The following ATG14 variants were observed in gnomAD, a reference collection of about 807,000 sequenced individuals.
ATG14 encodes the protein beclin 1-associated autophagy-related key regulator.
Under a neutral mutation model 60.4 loss-of-function variants are expected in ATG14, and 35 were observed. The observed-to-expected ratio is 0.58, with a 90% confidence interval of 0.44 to 0.77. The LOEUF (loss-of-function observed/expected upper bound fraction) is 0.77. Among genes scored for constraint, ATG14 ranks in the 30% least tolerant of loss-of-function variants. ATG14 has a pLI of 0.00. For missense variants in ATG14, 647 were observed against 626.3 expected, an observed-to-expected ratio of 1.03 and a Z score of -0.35; for synonymous variants, 234 against 228.8, an observed-to-expected ratio of 1.02 and a Z score of -0.21.
intron 7 of ATG14, among the ~76,000 whole-genome samples, chr14:55,379,468 G>A (rs899861726): frequency 6.6e-6 from 1 of 152,034 alleles, no homozygotes; most frequent in African/African-American, 2.4e-5. Context: ...CTTGGGCCTG[G>A]GGAGGGACGG....
At chr14:55,395,185 G>A (rs1885291079) in intron 3 of ATG14, 2 of 439,572 alleles carry the variant, frequency 4.5e-6, no homozygotes, top group Admixed American at 2.6e-5. Context: ...CTCCTCTTGG[G>A]CTCTTCCTCT....
chr14:55,394,322 T>C (rs1885276974), intron 3 of ATG14, among the ~76,000 whole-genome samples: 3 of 152,194 alleles, frequency 2.0e-5, no homozygotes, highest in Admixed American at 2.0e-4. Context: ...TCCTTCATAA[T>C]TGAGATTTCA....
Position 55,385,855 on chromosome 14 carries a change from G to A in ATG14, c.647+4C>T, listed in dbSNP as rs763084199. Reference sequence around the variant, plus strand: ...CCTGGAGTCAAAAGACTTGCTTAATGTACCTCACACCCGTCTTTACTTCCT... The same window carrying A: ...CCTGGAGTCAAAAGACTTGCTTAATATACCTCACACCCGTCTTTACTTCCT... On this transcript the variant is annotated splice_donor_region_variant and intron_variant, in intron 5 of 9. Transcript: ENST00000247178. 2.5e-6 allele frequency: 4 copies of A among 1,600,060 alleles called. No individual in the cohort carries two copies. The highest frequency in any genetic ancestry group is 4.5e-5 in the East Asian group (2 of 44,702).
At chr14:55,379,952 AC>A (rs1396924470) in intron 7 of ATG14, among the ~76,000 whole-genome samples, 2 of 152,174 alleles carry the variant, frequency 1.3e-5, no homozygotes, top group Admixed American at 6.5e-5. Context: ...ACAACAACAA[AC>A]AAAAAGAATT....
intron 6 of ATG14, 99 bp downstream of exon 6, chr14:55,381,863 G>GC (rs1297353441): frequency 4.2e-6 from 4 of 947,754 alleles, no homozygotes; most frequent in Non-Finnish European, 6.5e-6. Context: ...TGTACTAAAT[G>GC]CCCCTGAATG....
intron 4 of ATG14, among the ~76,000 whole-genome samples, chr14:55,390,272 T>C (rs907329923): frequency 2.0e-5 from 3 of 152,058 alleles, no homozygotes; most frequent in African/African-American, 7.2e-5. Context: ...GGTTTCACCA[T>C]GTTGGCCAGG....
chr14:55,407,168 C>T (rs1366947196), intron 1 of ATG14, among the ~76,000 whole-genome samples: 3 of 151,964 alleles, frequency 2.0e-5, no homozygotes, highest in African/African-American at 7.2e-5. Flanking sequence ...CTCGCTCTCT[C>T]GCCAGGCTGG....
In ATG14 at chr14:55,369,531, A is replaced by G; in HGVS notation, c.*88T>C. 2 of 1,244,456 alleles carry G rather than the reference A, an allele frequency of 1.6e-6. No homozygotes were observed. The highest frequency in any genetic ancestry group is 2.2e-6 in the Non-Finnish European group (2 of 917,380). The allele number at this position is 1,244,456 out of a possible 1,614,324, so 77.1% of individuals were successfully genotyped here. On this transcript the variant is annotated 3_prime_UTR_variant, in exon 10 of 10. Transcript: ENST00000247178. ...CTTTAACCTCTTTGTTCCAGACACT[A>G]TCTTAACTTAAACAGAAAATGTTTA...
rs1333928241 is a variant in ATG14 at position 55,369,154 on chromosome 14, C to T, written c.*465G>A. 2 of 152,864 alleles carry T rather than the reference C, an allele frequency of 1.3e-5. No homozygotes were observed. The highest frequency in any genetic ancestry group is 2.9e-5 in the Non-Finnish European group (2 of 68,206). The allele number at this position is 152,864 out of a possible 1,614,324, so 9.5% of individuals were successfully genotyped here. ...CATACAAAAAACAATGGCAGAAAAA[C>T]TCTTATTAAAGAGCTTTTATCTTTC... On this transcript the variant is annotated 3_prime_UTR_variant, in exon 10 of 10. Transcript: ENST00000247178.
In ATG14 at chr14:55,369,441, A is replaced by C; in HGVS notation, c.*178T>G. On this transcript the variant is annotated 3_prime_UTR_variant, in exon 10 of 10. Transcript: ENST00000247178. The stretch of plus-strand genomic sequence containing the variant: ...AATTATCATAAGCATGTTGGTCACC[A>C]TCACAGGCCACTTGGCAAATAGAAA... 5.5e-6 allele frequency: 3 copies of C among 548,248 alleles called. No homozygotes were observed. Among genetic ancestry groups the C allele is most frequent in the Non-Finnish European group, 8.8e-6 (3 of 339,256 alleles). The allele number at this position is 548,248 out of a possible 1,614,324, so 34.0% of individuals were successfully genotyped here. A position where few individuals can be genotyped will look rare whatever the true frequency, so the allele number is the denominator to read the frequency against.
intron 1 of ATG14, among the ~76,000 whole-genome samples, chr14:55,405,267 A>T (rs1354973035): frequency 6.6e-6 from 1 of 152,244 alleles, no homozygotes; most frequent in African/African-American, 2.4e-5. Flanking sequence ...GAAGTATCTA[A>T]AGGATATTTT....
chr14:55,399,257 TATTTAA>T (rs1206751940), intron 1 of ATG14, among the ~76,000 whole-genome samples: 1 of 152,246 alleles, frequency 6.6e-6, no homozygotes, highest in Non-Finnish European at 1.5e-5. Context: ...ATAATGTGAC[TATTTAA>T]ATTTAAATTA....
At chr14:55,394,655 C>T (rs764472747) in intron 3 of ATG14, among the ~76,000 whole-genome samples, 1 of 152,156 alleles carries the variant, frequency 6.6e-6, no homozygotes, top group Non-Finnish European at 1.5e-5. Flanking sequence ...TCACAGAGTG[C>T]ACGAAATTCT....
intron 1 of ATG14, among the ~76,000 whole-genome samples, chr14:55,407,351 G>A (rs952676502): frequency 5.9e-5 from 9 of 152,082 alleles, no homozygotes; most frequent in East Asian, 1.9e-4. Context: ...GGATGGTCTC[G>A]GTCTCTTGAC....
intron 1 of ATG14, among the ~76,000 whole-genome samples, chr14:55,406,996 CTG>C (rs1347317684): frequency 4.7e-5 from 7 of 148,514 alleles, no homozygotes; most frequent in Non-Finnish European, 1.0e-4. Flanking sequence ...GAGTCTAGCT[CTG>C]TTGCCCAGGC....
chr14:55,386,162 AC>A, intron 4 of ATG14, 66 bp from the exon 5 acceptor site: 3 of 1,325,124 alleles, frequency 2.3e-6, no homozygotes, highest in Non-Finnish European at 3.1e-6. Flanking sequence ...GCAGAGCTCC[AC>A]CCCACAAACA....
In ATG14 at chr14:55,369,295, G is replaced by A. The variant is rs1394025936; in HGVS notation, c.*324C>T. On this transcript the variant is annotated 3_prime_UTR_variant, in exon 10 of 10. Coordinates refer to ENST00000247178, the MANE Select transcript of ATG14 (RefSeq NM_014924.5). ...CACACTGACCCATATCTGTGGGCCC[G>A]GTGGCCCGGGCCCAGAGGGAACCCA... 2.0e-5 allele frequency: 4 copies of A among 196,256 alleles called. No homozygotes were observed. Among genetic ancestry groups the A allele is most frequent in the Admixed American group, 5.9e-5 (1 of 17,078 alleles). The allele number at this position is 196,256 out of a possible 1,614,324, so 12.2% of individuals were successfully genotyped here. A position where few individuals can be genotyped will look rare whatever the true frequency, so the allele number is the denominator to read the frequency against.
rs1232090914 is a variant in ATG14 at position 55,377,050 on chromosome 14, A to T, written c.1172+769T>A. Among the ~76,000 whole-genome samples the T allele has an allele frequency of 2.6e-5, 4 of 152,196 alleles. No homozygotes were observed. The East Asian group carries it at 7.7e-4, about 29-fold the overall frequency. On this transcript the variant is annotated intron_variant, in intron 9 of 9. Coordinates refer to ENST00000247178, the MANE Select transcript of ATG14 (RefSeq NM_014924.5). ...AAATGGTGATCAGATTGACTCAGTG[A>T]TAAGAAAATTGTGTGGCCAGGCACG... is the stretch of plus-strand genomic sequence containing the variant.
intron 6 of ATG14, among the ~76,000 whole-genome samples, 185 bp from the exon 7 acceptor site, chr14:55,380,875 A>ATATATATTTTTTTTT (rs377330757): frequency 5.3e-5 from 6 of 112,732 alleles, no homozygotes; most frequent in Non-Finnish European, 1.0e-4. Context: ...ATATATATAT[A>ATATATATTTTTTTTT]TTTTTTTTTT....
Sources: gnomAD v4.1 joint callset for allele counts (sites outside exome capture counted in the v4.1 genomes callset) on GRCh38, gnomAD v4.1.1 for gene constraint, MANE v1.5 for transcripts, NCBI Gene and HGNC (gene_info 2026-07-23, HGNC 2026-07-21) for gene names.